The following OLA1 variants were observed in gnomAD, a reference collection of about 807,000 sequenced individuals.
OLA1 encodes the protein Obg like ATPase 1.
OLA1 carries 14 observed loss-of-function variants against 48.4 expected under a neutral mutation model. The ratio of observed to expected loss-of-function variants is 0.29; its 90% CI spans 0.19 to 0.45. OLA1 has a LOEUF of 0.45. OLA1 is among the 20% of genes least tolerant of loss of function. The pLI is 1.00. For synonymous variants in OLA1, 127 were observed against 150.4 expected (o/e 0.84, Z 1.14); for missense variants, 325 against 467.1 (o/e 0.70, Z 2.80).
chr2:174,238,583 G>C (rs1688918117), intron 2 of OLA1, among the ~76,000 whole-genome samples: 1 of 151,656 alleles, frequency 6.6e-6, no homozygotes. Flanking sequence ...ATGTTGACAA[G>C]GATGTGAAAT....
At chr2:174,206,466 A>G (rs1688117018) in intron 4 of OLA1, among the ~76,000 whole-genome samples, 1 of 152,228 alleles carries the variant, frequency 6.6e-6, no homozygotes. Flanking sequence ...AGGAATTTCA[A>G]GATACCAGAG....
chr2:174,183,496 G>T (rs951650252), intron 4 of OLA1, among the ~76,000 whole-genome samples: 10 of 152,178 alleles, frequency 6.6e-5, no homozygotes, highest in Non-Finnish European at 1.5e-4. Context: ...AGCATTAGTG[G>T]CCTTTATCTC....
At chr2:174,089,699 C>T (rs1403453184) in intron 7 of OLA1, among the ~76,000 whole-genome samples, 1 of 151,718 alleles carries the variant, frequency 6.6e-6, no homozygotes, top group Non-Finnish European at 1.5e-5. Flanking sequence ...CTCATGAGTT[C>T]GAGACCAGCC....
intron 4 of OLA1, among the ~76,000 whole-genome samples, chr2:174,184,016 A>G (rs1259468209): frequency 2.6e-5 from 4 of 152,310 alleles, no homozygotes; most frequent in South Asian, 4.1e-4. Context: ...CCATGCAACT[A>G]AAGAAGGAAA....
At chr2:174,247,805 T>C in intron 1 of OLA1, 2 of 1,549,228 alleles carry the variant, frequency 1.3e-6, no homozygotes, top group Non-Finnish European at 1.7e-6. Context: ...CGGAACCTTT[T>C]TATTTACAAG....
Position 174,166,109 on chromosome 2 carries a change from A to G in OLA1, c.374-24109T>C, listed in dbSNP as rs1687157308. Among the ~76,000 whole-genome samples, 3 of 142,766 alleles carry G rather than the reference A, an allele frequency of 2.1e-5. No individual in the cohort carries two copies. The Admixed American group carries it at 2.1e-4, about 10-fold the overall frequency. 93.7% of individuals were successfully genotyped at this position (142,766 alleles called of 152,430 possible). On this transcript the variant is annotated intron_variant, in intron 4 of 10. Transcript: ENST00000284719. Reference sequence around the variant, plus strand: ...CACTGCACTCCAGCCTGGGCAACAGAGTGAGACTCCATTAAAAAAAAAAAA... The same window carrying G: ...CACTGCACTCCAGCCTGGGCAACAGGGTGAGACTCCATTAAAAAAAAAAAA...
chr2:174,226,586 G>C lies in OLA1; in HGVS notation c.245+2722C>G, dbSNP rs1194718060. Among the ~76,000 whole-genome samples, 5 of 151,728 alleles carry C rather than the reference G, an allele frequency of 3.3e-5. No individual in the cohort carries two copies. In the East Asian group the frequency reaches 9.7e-4, roughly 30 times the overall value. ...GCCATCTTGGCTCACTGCAACCTCT[G>C]CCTGCCAAGTTCAAGCGATTCTCCT... On this transcript the variant is annotated intron_variant, in intron 3 of 10. Coordinates refer to ENST00000284719, the MANE Select transcript of OLA1 (RefSeq NM_013341.5).
At chr2:174,238,514 GA>G (rs1188911385) in intron 2 of OLA1, among the ~76,000 whole-genome samples, 2 of 132,334 alleles carry the variant, frequency 1.5e-5, no homozygotes, top group African/African-American at 5.5e-5. Context: ...AAAAAAAAAA[GA>G]GAAAAAACAC....
chr2:174,128,424 CA>C (rs1686095913), intron 5 of OLA1, among the ~76,000 whole-genome samples: 1 of 150,584 alleles, frequency 6.6e-6, no homozygotes, highest in African/African-American at 2.4e-5. Flanking sequence ...AAGAAATAAA[CA>C]TTTTTTTTTT....
intron 7 of OLA1, among the ~76,000 whole-genome samples, chr2:174,118,530 T>C (rs1308848283): frequency 6.6e-6 from 1 of 152,232 alleles, no homozygotes; most frequent in East Asian, 1.9e-4. Flanking sequence ...AGAATATATA[T>C]TTTAATTTCA....
At chr2:174,214,399 G>T (rs901540930) in intron 4 of OLA1, among the ~76,000 whole-genome samples, 16 of 152,164 alleles carry the variant, frequency 1.1e-4, no homozygotes, top group African/African-American at 3.9e-4. Flanking sequence ...TATTATAATT[G>T]TAAGTTGCAC....
chr2:174,127,465 A>C (rs2105370435), intron 5 of OLA1, among the ~76,000 whole-genome samples: 1 of 152,346 alleles, frequency 6.6e-6, no homozygotes, highest in East Asian at 1.9e-4. Flanking sequence ...ATTATATAAT[A>C]ATCCAGTCAT....
chr2:174,190,944 CAAAAA>C (rs774971306), intron 4 of OLA1, among the ~76,000 whole-genome samples: 1 of 32,908 alleles, frequency 3.0e-5, no homozygotes, highest in Non-Finnish European at 5.4e-5. Flanking sequence ...GACTTCGTCT[CAAAAA>C]AAAAAAAAAA....
intron 4 of OLA1, among the ~76,000 whole-genome samples, chr2:174,190,746 G>A (rs1687755092): frequency 6.6e-6 from 1 of 151,508 alleles, no homozygotes; most frequent in Non-Finnish European, 1.5e-5. Context: ...GTATTCCAAA[G>A]GACAAAAATA....
chr2:174,174,903 G>C (rs1351375662), intron 4 of OLA1, among the ~76,000 whole-genome samples: 1 of 151,990 alleles, frequency 6.6e-6, no homozygotes, highest in Admixed American at 6.6e-5. Context: ...AGACAGTATG[G>C]TATTGCCAAA....
intron 4 of OLA1, among the ~76,000 whole-genome samples, chr2:174,194,002 G>T (rs978521374): frequency 6.6e-6 from 1 of 152,084 alleles, no homozygotes; most frequent in African/African-American, 2.4e-5. Context: ...ACACACACAC[G>T]TGCACGCACT....
chr2:174,201,120 A>G (rs1687981974), intron 4 of OLA1, among the ~76,000 whole-genome samples: 1 of 152,246 alleles, frequency 6.6e-6, no homozygotes, highest in Non-Finnish European at 1.5e-5. Context: ...CGAGTATTTT[A>G]GGTTCAAAAA....
chr2:174,163,267 G>A (rs1180845098), intron 4 of OLA1, among the ~76,000 whole-genome samples: 1 of 152,150 alleles, frequency 6.6e-6, no homozygotes, highest in Admixed American at 6.5e-5. Flanking sequence ...CAATTTATTA[G>A]TAAGGGCAGT....
rs1243465741 is a variant in OLA1 at position 174,174,054 on chromosome 2, A to C, written c.374-32054T>G. 1.5e-4 allele frequency among the ~76,000 whole-genome samples: 21 copies of C among 143,022 alleles called. 1 individual carries two copies. The highest frequency in any genetic ancestry group is 5.3e-4 in the African/African-American group (21 of 39,544). 93.8% of individuals were successfully genotyped at this position (143,022 alleles called of 152,430 possible). Reference sequence around the variant, plus strand: ...CACACACAAAAAAAAAAAAAAAAACAAAAAAAAACTCCACGCCTAGATGGC... The same window carrying C: ...CACACACAAAAAAAAAAAAAAAAACCAAAAAAAACTCCACGCCTAGATGGC... On this transcript the variant is annotated intron_variant, in intron 4 of 10. Coordinates refer to ENST00000284719, the MANE Select transcript of OLA1 (RefSeq NM_013341.5).
Sources: gnomAD v4.1 joint callset for allele counts (sites outside exome capture counted in the v4.1 genomes callset) on GRCh38, gnomAD v4.1.1 for gene constraint, MANE v1.5 for transcripts, NCBI Gene and HGNC (gene_info 2026-07-23, HGNC 2026-07-21) for gene names.